TBC1D9: variants seen among roughly 807,000 people sequenced by gnomAD.
TBC1D9 encodes TBC1 domain family member 9A.
TBC1D9 carries 63 observed loss-of-function variants against 132.0 expected under a neutral mutation model. That is an observed-to-expected ratio of 0.48 (90% CI 0.39 to 0.59). The LOEUF (loss-of-function observed/expected upper bound fraction) is 0.59. TBC1D9 is among the 20% of genes least tolerant of loss of function. The pLI is 0.00. For missense variants in TBC1D9, 1,261 were observed against 1,592.7 expected (o/e 0.79, Z 3.54); for synonymous variants, 610 against 609.9 (o/e 1.00, Z 0.00).
At chr4:140,627,354 G>T in intron 18 of TBC1D9, 87 bp downstream of exon 18, 1 of 816,318 alleles carries the variant, frequency 1.2e-6, no homozygotes, top group Non-Finnish European at 2.0e-6. Context: ...TTCTTTGATT[G>T]ACTAGCTTTG....
At position 140,622,073 on chromosome 4, in the gene TBC1D9, G is replaced by C; in HGVS notation, c.*122C>G. On this transcript the variant is annotated 3_prime_UTR_variant, in exon 21 of 21. Coordinates refer to ENST00000442267, the MANE Select transcript of TBC1D9 (RefSeq NM_015130.3). ...ATTGAATTACATTATGAAAACACTA[G>C]GCTTCAAGCCAGGTACTAATAAATA... 2 of 1,326,468 alleles carry C rather than the reference G, an allele frequency of 1.5e-6. No homozygotes were observed. Among genetic ancestry groups the C allele is most frequent in the Non-Finnish European group, 1.0e-6 (1 of 1,003,780 alleles). 82.2% of individuals were successfully genotyped at this position (1,326,468 alleles called of 1,614,324 possible). A position where few individuals can be genotyped will look rare whatever the true frequency, so the allele number is the denominator to read the frequency against.
intron 6 of TBC1D9, among the ~76,000 whole-genome samples, chr4:140,674,167 A>G (rs1490892300): frequency 6.6e-6 from 1 of 152,234 alleles, no homozygotes; most frequent in Non-Finnish European, 1.5e-5. Context: ...GTAACATCCT[A>G]TAGCAAAAAC....
intron 5 of TBC1D9, among the ~76,000 whole-genome samples, chr4:140,677,683 C>G (rs767028689): frequency 4.6e-5 from 7 of 152,178 alleles, no homozygotes; most frequent in African/African-American, 7.2e-5. Context: ...CCTCTCCCCT[C>G]AAGCTTCTAC....
intron 8 of TBC1D9, 61 bp from the exon 9 acceptor site, chr4:140,669,128 T>C (rs1320981537): frequency 9.1e-6 from 14 of 1,537,654 alleles, no homozygotes; most frequent in Non-Finnish European, 1.3e-5. Context: ...AAGAGAAGAG[T>C]GATGGAAGGT....
In TBC1D9 at chr4:140,635,430, C is replaced by T. The variant is rs573477106; in HGVS notation, c.2506-1242G>A. 1.1e-4 allele frequency among the ~76,000 whole-genome samples: 17 copies of T among 152,178 alleles called. No homozygotes were observed. The South Asian group carries it at 1.2e-3, about 11-fold the overall frequency. On this transcript the variant is annotated intron_variant, in intron 15 of 20. Transcript: ENST00000442267. ...CCAGGAGGTCAAGTCTGCAGTGACC[C>T]GGGATGGTGCCACTGCACTGTAGCC... is the stretch of plus-strand genomic sequence containing the variant.
intron 13 of TBC1D9, among the ~76,000 whole-genome samples, chr4:140,649,609 C>G (rs1471169513): frequency 6.6e-6 from 1 of 152,210 alleles, no homozygotes; most frequent in Non-Finnish European, 1.5e-5. Flanking sequence ...TTCTCACACA[C>G]AGGGAGCTTC....
In TBC1D9 at chr4:140,621,965, CTG is replaced by C; in HGVS notation, c.*228_*229del. On this transcript the variant is annotated 3_prime_UTR_variant, in exon 21 of 21. Coordinates refer to ENST00000442267, the MANE Select transcript of TBC1D9 (RefSeq NM_015130.3). ...TGTTTTTTAGAATTCACGAAATAAACTGTATTCTGGTAAATCCCCTCCCCGCA... is the reference window on the plus strand; with the variant it reads ...TGTTTTTTAGAATTCACGAAATAAACTATTCTGGTAAATCCCCTCCCCGCA... 2.1e-6 allele frequency: 1 copy of C among 487,184 alleles called. No individual in the cohort carries two copies. The highest frequency in any genetic ancestry group is 6.4e-5 in the South Asian group (1 of 15,592). The allele number at this position is 487,184 out of a possible 1,614,324, so 30.2% of individuals were successfully genotyped here.
intron 9 of TBC1D9, among the ~76,000 whole-genome samples, chr4:140,666,333 A>G (rs558445056): frequency 6.6e-6 from 1 of 152,154 alleles, no homozygotes; most frequent in East Asian, 1.9e-4. Flanking sequence ...CAAACAGTTT[A>G]TATTTATTTT....
At chr4:140,689,458 CTTCCCTTCCCTTCCCTTCCCCTTT>C (rs1737840511) in intron 2 of TBC1D9, among the ~76,000 whole-genome samples, 1 of 14,160 alleles carries the variant, frequency 7.1e-5, no homozygotes, top group Non-Finnish European at 1.5e-4. Context: ...CCCTTCCCCC[CTTCCCTTCCCTTCCCTTCCCCTTT>C]TTCCCTTCCC....
intron 1 of TBC1D9, among the ~76,000 whole-genome samples, chr4:140,729,635 T>C (rs1346613967): frequency 1.3e-5 from 2 of 151,978 alleles, no homozygotes; most frequent in African/African-American, 4.8e-5. Context: ...CTGGCCAACA[T>C]GGTGAAACTC....
intron 6 of TBC1D9, among the ~76,000 whole-genome samples, chr4:140,671,717 C>CCGAA (rs1467859114): frequency 9.5e-6 from 1 of 105,218 alleles, no homozygotes; most frequent in Non-Finnish European, 1.8e-5. Context: ...TGTGTGTGTG[C>CCGAA]CGAAGCCTAC....
chr4:140,731,224 A>G (rs1738584493), intron 1 of TBC1D9, among the ~76,000 whole-genome samples: 1 of 152,204 alleles, frequency 6.6e-6, no homozygotes, highest in Non-Finnish European at 1.5e-5. Flanking sequence ...TGATGATGGT[A>G]AGTGCTACTT....
At chr4:140,634,645 G>A (rs1167913524) in intron 15 of TBC1D9, among the ~76,000 whole-genome samples, 1 of 152,208 alleles carries the variant, frequency 6.6e-6, no homozygotes, top group Non-Finnish European at 1.5e-5. Context: ...TGGCTCATAT[G>A]AGGTTAACCA....
chr4:140,703,978 T>G (rs1019767988), intron 1 of TBC1D9, among the ~76,000 whole-genome samples: 1 of 152,228 alleles, frequency 6.6e-6, no homozygotes, highest in South Asian at 2.1e-4. Context: ...CATAATTGAG[T>G]GTTTGTAATA....
At chr4:140,669,375 T>C (rs2111008562) in intron 8 of TBC1D9, among the ~76,000 whole-genome samples, 1 of 152,280 alleles carries the variant, frequency 6.6e-6, no homozygotes, top group Non-Finnish European at 1.5e-5. Context: ...GGCTGAGAAA[T>C]CGGGTATTTA....
chr4:140,717,872 A>G (rs896522916), intron 1 of TBC1D9, among the ~76,000 whole-genome samples: 4 of 152,162 alleles, frequency 2.6e-5, no homozygotes, highest in African/African-American at 9.7e-5. Flanking sequence ...ACAGGTCACA[A>G]CTTCCCAGTG....
intron 20 of TBC1D9, 40 bp downstream of exon 20, chr4:140,624,076 T>C: frequency 6.7e-7 from 1 of 1,488,356 alleles, no homozygotes; most frequent in South Asian, 1.2e-5. Flanking sequence ...AAAAAGAGTG[T>C]CCAGGTTTGA....
In TBC1D9 at chr4:140,676,909, A is replaced by G; in HGVS notation, c.1044T>C (p.Ile348=). Residue 348 remains isoleucine (I), a synonymous_variant, in exon 6 of 21, where the codon ATT becomes ATC. Coordinates refer to ENST00000442267, the MANE Select transcript of TBC1D9 (RefSeq NM_015130.3). The part of the protein sequence containing the change: ...TSKEENLCSL[I]IPLREVTIVE... ...AGATACTTACCTCACGGAGCGGGATAATGAGGCTACATAAGTTCTCCTCCT... is the reference window on the plus strand; with the variant it reads ...AGATACTTACCTCACGGAGCGGGATGATGAGGCTACATAAGTTCTCCTCCT... 6.2e-7 allele frequency: 1 copy of G among 1,613,990 alleles called. No homozygotes were observed. The highest frequency in any genetic ancestry group is 8.5e-7 in the Non-Finnish European group (1 of 1,179,864).
chr4:140,696,495 A>G (rs941518278), intron 2 of TBC1D9, among the ~76,000 whole-genome samples: 1 of 149,236 alleles, frequency 6.7e-6, no homozygotes, highest in Admixed American at 6.7e-5. Context: ...AAAAAGAGGC[A>G]TATGAAAATA....
Sources: allele counts gnomAD v4.1 joint callset (sites outside exome capture counted in the v4.1 genomes callset), GRCh38; gene constraint gnomAD v4.1.1; transcripts MANE v1.5; gene names NCBI Gene and HGNC (gene_info 2026-07-23, HGNC 2026-07-21).